Variants in CCDC18 observed in about 807,000 individuals in gnomAD.
CCDC18 encodes coiled-coil domain containing 18.
CCDC18 carries 157 observed loss-of-function variants against 196.0 expected under a neutral mutation model. The observed-to-expected ratio is 0.80, with a 90% CI of 0.70 to 0.91. The LOEUF (loss-of-function observed/expected upper bound fraction) is 0.91. CCDC18 is among the 40% of genes least tolerant of loss of function. The pLI is 0.00. For missense variants in CCDC18, 1,465 were observed against 1,611.6 expected, an observed-to-expected ratio of 0.91 and a Z score of 1.56; for synonymous variants, 482 against 529.2, an observed-to-expected ratio of 0.91 and a Z score of 1.22.
chr1:93,252,358 G>A (rs1186765546), intron 23 of CCDC18, among the ~76,000 whole-genome samples: 1 of 152,106 alleles, frequency 6.6e-6, no homozygotes, highest in Admixed American at 6.5e-5. Flanking sequence ...TTTTCAAATA[G>A]TCCATCTTCA....
Position 93,264,790 on chromosome 1 carries a change from G to A in CCDC18, c.3774G>A (p.Glu1258=), listed in dbSNP as rs201285846. 7 of 1,613,358 alleles carry A rather than the reference G, an allele frequency of 4.3e-6. No homozygotes were observed. The highest frequency in any genetic ancestry group is 2.5e-6 in the Non-Finnish European group (3 of 1,179,492). The part of the protein sequence containing the change: ...SSVQQLNEQL[E]KAKLELEEAQ... ...TTCAGCAACTAAACGAACAGTTAGA[G>A]AAGGCAAAATTGGAATTAGAAGAAG... The change falls in exon 27 of 29, where the codon GAG becomes GAA. Residue 1258 remains glutamate (E), a synonymous_variant. Coordinates refer to ENST00000690025, the MANE Select transcript of CCDC18 (RefSeq NM_001378204.1).
intron 26 of CCDC18, chr1:93,262,171 A>T (rs1278680793): frequency 2.0e-5 from 3 of 152,184 alleles, no homozygotes; most frequent in Non-Finnish European, 4.4e-5. Context: ...ATTTGAGATG[A>T]GATTCGGGTG....
intron 14 of CCDC18, among the ~76,000 whole-genome samples, chr1:93,219,812 A>G (rs1287947741): frequency 6.6e-6 from 1 of 152,256 alleles, no homozygotes; most frequent in South Asian, 2.1e-4. Context: ...GGAAAAAGAC[A>G]GTGAACTTGA....
rs757597480 is a variant in CCDC18 at position 93,217,811 on chromosome 1, A to G, written c.1904A>G (p.Glu635Gly). The G allele has an allele frequency of 1.9e-6, 3 of 1,612,834 alleles. No individual in the cohort carries two copies. The highest frequency in any genetic ancestry group is 1.7e-5 in the Admixed American group (1 of 60,006). Residue 635 changes from glutamate to glycine, a missense_variant, in exon 14 of 29, where the codon GAA becomes GGA. Physicochemically the swap from Glu to Gly is moderately conservative, Grantham distance 98. Transcript: ENST00000690025. ...TEHEKICLAF[E>G]KAKKIHLEQH... ...CATGAGAAAATTTGTTTAGCCTTTG[A>G]AAAAGCAAAGAAAATTCACTTGGAA... is the stretch of plus-strand genomic sequence containing the variant.
rs770434238 is a variant in CCDC18 at position 93,232,491 on chromosome 1, C to T, written c.2358C>T (p.Asn786=). The T allele has an allele frequency of 1.9e-5, 30 of 1,611,638 alleles. No homozygotes were observed. Among genetic ancestry groups the T allele is most frequent in the Non-Finnish European group, 2.3e-5 (27 of 1,178,300 alleles). ...NHSLQETSEQ[N]VILQHTLQQQ... ...GTCTTCAAGAGACTTCTGAGCAAAA[C>T]GTTATTCTACAGCATACTCTTCAGC... The change falls in exon 18 of 29, where the codon AAC becomes AAT. Residue 786 remains asparagine (N), a synonymous_variant. Coordinates refer to ENST00000690025, the MANE Select transcript of CCDC18 (RefSeq NM_001378204.1).
At chr1:93,249,011 AT>A (rs1175501132) in intron 23 of CCDC18, among the ~76,000 whole-genome samples, 1 of 151,102 alleles carries the variant, frequency 6.6e-6, no homozygotes, top group Non-Finnish European at 1.5e-5. Flanking sequence ...CTCCTCTTCA[AT>A]TTTTTGAAAT....
chr1:93,201,266 T>C (rs563415864), intron 6 of CCDC18, among the ~76,000 whole-genome samples: 14 of 152,134 alleles, frequency 9.2e-5, no homozygotes, highest in African/African-American at 1.2e-4. Context: ...TATTAAAATA[T>C]TTTTAGGTGT....
At chr1:93,191,553 T>C (rs961647282) in intron 4 of CCDC18, among the ~76,000 whole-genome samples, 4 of 152,230 alleles carry the variant, frequency 2.6e-5, no homozygotes, top group Non-Finnish European at 5.9e-5. Context: ...TGTACTCTCT[T>C]TATTATACAG....
Position 93,256,424 on chromosome 1 carries a change from G to A in CCDC18, c.3432G>A (p.Val1144=), listed in dbSNP as rs755779727. 2 of 1,614,106 alleles carry A rather than the reference G, an allele frequency of 1.2e-6. No homozygotes were observed. Among genetic ancestry groups the A allele is most frequent in the Admixed American group, 1.7e-5 (1 of 60,028 alleles). ...AATTGAGGCTGACCCGGGAGCAGGT[G>A]CAGAACTCTCATACAGAATTGGCAG... The part of the protein sequence containing the change: ...GQELRLTREQ[V]QNSHTELAEA... Residue 1144 remains valine, a synonymous_variant, in exon 25 of 29, where the codon GTG becomes GTA. Coordinates refer to ENST00000690025, the MANE Select transcript of CCDC18 (RefSeq NM_001378204.1).
chr1:93,201,374 C>T (rs1381533624), intron 6 of CCDC18, among the ~76,000 whole-genome samples: 2 of 152,090 alleles, frequency 1.3e-5, no homozygotes, highest in Non-Finnish European at 2.9e-5. Flanking sequence ...CAACAAGGTT[C>T]GGCTTAAAGA....
intron 11 of CCDC18, among the ~76,000 whole-genome samples, chr1:93,212,789 CA>C (rs1254287284): frequency 1.3e-5 from 2 of 152,092 alleles, no homozygotes; most frequent in African/African-American, 4.8e-5. Context: ...GGACCAGGGA[CA>C]GGGTCAGGGT....
intron 6 of CCDC18, among the ~76,000 whole-genome samples, chr1:93,194,911 C>T (rs1018272273): frequency 2.0e-5 from 3 of 152,126 alleles, no homozygotes; most frequent in Non-Finnish European, 2.9e-5. Context: ...TACTCTGTCT[C>T]GCAGGCTGGA....
intron 10 of CCDC18, 75 bp downstream of exon 10, chr1:93,211,001 G>C: frequency 6.7e-7 from 1 of 1,494,556 alleles, no homozygotes; most frequent in Non-Finnish European, 9.2e-7. Context: ...AATTGGCCGG[G>C]CATGGTGGCT....
At chr1:93,226,115 C>T (rs1184203957) in intron 16 of CCDC18, among the ~76,000 whole-genome samples, 1 of 152,056 alleles carries the variant, frequency 6.6e-6, no homozygotes, top group Non-Finnish European at 1.5e-5. Context: ...CTTGTTTATT[C>T]TTCAGGATTC....
intron 14 of CCDC18, among the ~76,000 whole-genome samples, chr1:93,218,970 TCTC>T (rs1656963207): frequency 6.6e-6 from 1 of 152,220 alleles, no homozygotes; most frequent in African/African-American, 2.4e-5. Context: ...AGACACAGCT[TCTC>T]CAATAATTTT....
rs370124179 is a variant in CCDC18, at chr1:93,207,306, G to T, written c.1117G>T (p.Ala373Ser). 8.1e-6 allele frequency: 13 copies of T among 1,613,378 alleles called. No homozygotes were observed. Among genetic ancestry groups the T allele is most frequent in the Non-Finnish European group, 1.0e-5 (12 of 1,179,496 alleles). ...CCGAGAATTAAAGGTCCGTGTTGCA[G>T]CACAGAATGAGCGACTAGATTTATG... ...ENRELKVRVA[A>S]QNERLDLCQQ... Residue 373 changes from alanine (A) to serine (S), a missense_variant, in exon 9 of 29, where the codon GCA (alanine) becomes TCA (serine). Coordinates refer to ENST00000690025, the MANE Select transcript of CCDC18 (RefSeq NM_001378204.1).
chr1:93,226,715 G>A (rs961470049), intron 17 of CCDC18, among the ~76,000 whole-genome samples: 7 of 151,760 alleles, frequency 4.6e-5, no homozygotes, highest in African/African-American at 1.7e-4. Flanking sequence ...TGTATTTTTA[G>A]TAAAGATGGG....
chr1:93,254,495 C>A lies in CCDC18; in HGVS notation c.3223C>A (p.Gln1075Lys), dbSNP rs1036354586. 2 of 1,589,228 alleles carry A rather than the reference C, an allele frequency of 1.3e-6. No individual in the cohort carries two copies. Among genetic ancestry groups the A allele is most frequent in the Non-Finnish European group, 1.7e-6 (2 of 1,166,074 alleles). The stretch of plus-strand genomic sequence containing the variant: ...GATAGAAAGTCTGAATGACAAATTA[C>A]AAAATGCTAAAGAACAGCTTCGAGA... ...KQIESLNDKL[Q>K]NAKEQLREKE... Residue 1075 changes from glutamine to lysine, a missense_variant, in exon 24 of 29, where the codon CAA becomes AAA. By Grantham distance (53) the Gln-to-Lys change is moderately conservative (BLOSUM62 1). Coordinates refer to ENST00000690025, the MANE Select transcript of CCDC18 (RefSeq NM_001378204.1).
At chr1:93,234,973 G>GTGTGTGTGTGTGTGTGTGTGT (rs1557668666) in intron 18 of CCDC18, among the ~76,000 whole-genome samples, 6 of 146,302 alleles carry the variant, frequency 4.1e-5, no homozygotes, top group Middle Eastern at 3.6e-3. Context: ...GTGTGTGTGT[G>GTGTGTGTGTGTGTGTGTGTGT]GCTTTTCTTT....
Sources: gnomAD v4.1 joint callset for allele counts (sites outside exome capture counted in the v4.1 genomes callset) on GRCh38, gnomAD v4.1.1 for gene constraint, MANE v1.5 for transcripts, NCBI Gene and HGNC (gene_info 2026-07-23, HGNC 2026-07-21) for gene names.